ANXA4: variants seen among roughly 807,000 people sequenced by gnomAD.
ANXA4 encodes the protein 35-beta calcimedin.
In ANXA4, 39 loss-of-function variants were observed where a neutral mutation model predicts 49.8. The observed-to-expected ratio is 0.78, with a 90% CI of 0.61 to 1.02. The LOEUF (loss-of-function observed/expected upper bound fraction) is 1.02, where lower values mean the gene tolerates loss of function less well. Among genes scored for constraint, ANXA4 ranks in the 50% least tolerant of loss-of-function variants. The pLI is 0.00. For synonymous variants in ANXA4, 134 were observed against 152.5 expected (o/e 0.88, Z 0.89); for missense variants, 360 against 410.1 (o/e 0.88, Z 1.05).
At chr2:69,737,968 G>C (rs1173851231), upstream of ANXA4, among the ~76,000 whole-genome samples, 4 of 150,738 alleles carry the variant, frequency 2.7e-5, no homozygotes, top group Admixed American at 1.3e-4. Context: ...GCAACAAAAA[G>C]AAAGAAAAAA....
chr2:69,815,274 T>C (rs185187560), intron 8 of ANXA4: 24 of 152,338 alleles, frequency 1.6e-4, no homozygotes, highest in Middle Eastern at 3.4e-3. Context: ...TCTTTTGAAT[T>C]AGGTGAATTA....
At chr2:69,804,719 T>C in intron 4 of ANXA4, 92 bp downstream of exon 4, 2 of 1,116,364 alleles carry the variant, frequency 1.8e-6, no homozygotes, top group Non-Finnish European at 2.6e-6. Flanking sequence ...AGTGACCTTG[T>C]GTTTTAAAAG....
intron 2 of ANXA4, among the ~76,000 whole-genome samples, chr2:69,787,409 G>A (rs1468814919): frequency 6.6e-6 from 1 of 152,128 alleles, no homozygotes; most frequent in Non-Finnish European, 1.5e-5. Context: ...AAACTAGATC[G>A]TTTTTTAAGT....
chr2:69,767,391 G>A (rs546346841), intron 1 of ANXA4, among the ~76,000 whole-genome samples: 7 of 152,256 alleles, frequency 4.6e-5, no homozygotes, highest in Admixed American at 6.5e-5. Flanking sequence ...GCTGTACTTT[G>A]GGAACTTTGC....
intron 2 of ANXA4, among the ~76,000 whole-genome samples, chr2:69,787,677 G>A (rs1672474258): frequency 6.6e-6 from 1 of 152,200 alleles, no homozygotes; most frequent in Non-Finnish European, 1.5e-5. Context: ...CAGGACCTTT[G>A]CAGGAGCTGT....
intron 2 of ANXA4, among the ~76,000 whole-genome samples, chr2:69,678,008 T>G (rs1005482774): frequency 5.3e-5 from 8 of 152,186 alleles, no homozygotes; most frequent in African/African-American, 1.9e-4. Context: ...CAAACACAAC[T>G]TTTCCCCCTC....
intron 2 of ANXA4, among the ~76,000 whole-genome samples, chr2:69,712,118 T>C (rs1263986968): frequency 1.3e-5 from 2 of 151,978 alleles, no homozygotes; most frequent in African/African-American, 4.8e-5. Context: ...AGTTTTCCAC[T>C]AAACAGACCA....
At chr2:69,799,461 T>C (rs1030150104) in intron 3 of ANXA4, among the ~76,000 whole-genome samples, 1 of 152,218 alleles carries the variant, frequency 6.6e-6, no homozygotes, top group Non-Finnish European at 1.5e-5. Flanking sequence ...AGGTTACTTG[T>C]TGTTAGAAGA....
intron 2 of ANXA4, among the ~76,000 whole-genome samples, chr2:69,656,243 ATATATATGTATATACG>A (rs1348302048): frequency 8.3e-6 from 1 of 120,068 alleles, no homozygotes; most frequent in African/African-American, 3.0e-5. Context: ...ATATATACGT[ATATATATGTATATACG>A]TATATATATG....
intron 3 of ANXA4, among the ~76,000 whole-genome samples, chr2:69,735,384 C>T (rs1432030441): frequency 1.3e-5 from 2 of 152,168 alleles, no homozygotes; most frequent in African/African-American, 4.8e-5. Context: ...ACTTTAACTC[C>T]TTCCCTGTTC....
chr2:69,676,281 G>A (rs1677411092), intron 2 of ANXA4, among the ~76,000 whole-genome samples: 1 of 152,076 alleles, frequency 6.6e-6, no homozygotes, highest in Non-Finnish European at 1.5e-5. Flanking sequence ...AAACTAAACA[G>A]ATGTGGTTCA....
chr2:69,730,989 A>G (rs1423365693), intron 3 of ANXA4, among the ~76,000 whole-genome samples: 2 of 152,176 alleles, frequency 1.3e-5, no homozygotes, highest in African/African-American at 4.8e-5. Context: ...TTTTAGGTCG[A>G]TGGGTTTGAA....
At chr2:69,820,392 G>A (rs1674182452) in intron 11 of ANXA4, among the ~76,000 whole-genome samples, 1 of 152,034 alleles carries the variant, frequency 6.6e-6, no homozygotes, top group Non-Finnish European at 1.5e-5. Flanking sequence ...GGGGAGGGAA[G>A]GATAATACTC....
In ANXA4 at chr2:69,709,652, C is replaced by T. The variant is rs76310614; in HGVS notation, n.767-11122C>T. Among the ~76,000 whole-genome samples the T allele has an allele frequency of 5.7e-3, 875 of 152,344 alleles. 20 individuals carry two copies. The East Asian group carries it at 0.073, about 13-fold the overall frequency. On this transcript the variant is annotated intron_variant and non_coding_transcript_variant, in intron 2 of 3. Transcript: ENST00000418066. ...TCTACATGGCAACCTCGCTAGGTAA[C>T]TCTTAACTCTGAAACCCATTTCAGA...
chr2:69,718,740 C>T (rs568602532), intron 2 of ANXA4, among the ~76,000 whole-genome samples: 1 of 149,436 alleles, frequency 6.7e-6, no homozygotes, highest in South Asian at 2.1e-4. Flanking sequence ...CACAAATGCA[C>T]ACACATACAT....
At chr2:69,742,260 C>G (rs1443733753) in intron 1 of ANXA4, 85 bp downstream of exon 1, 3 of 152,186 alleles carry the variant, frequency 2.0e-5, no homozygotes, top group African/African-American at 7.2e-5. Flanking sequence ...GCGGGGATGC[C>G]CGGCTCCGCG....
chr2:69,795,201 T>C (rs1672893096), intron 3 of ANXA4, among the ~76,000 whole-genome samples: 1 of 151,874 alleles, frequency 6.6e-6, no homozygotes, highest in Non-Finnish European at 1.5e-5. Flanking sequence ...CTTAGAGGGG[T>C]CCTTTGACAG....
intron 3 of ANXA4, among the ~76,000 whole-genome samples, chr2:69,796,881 C>T (rs1227994292): frequency 6.6e-6 from 1 of 152,140 alleles, no homozygotes; most frequent in Non-Finnish European, 1.5e-5. Context: ...GCTAAGAGAG[C>T]TGAGTCAATT....
At chr2:69,664,488 C>T (rs934619348) in intron 2 of ANXA4, among the ~76,000 whole-genome samples, 3 of 152,020 alleles carry the variant, frequency 2.0e-5, no homozygotes, top group African/African-American at 7.2e-5. Context: ...TTACTATGTG[C>T]CAGTCATTAT....
Sources: gnomAD v4.1 joint callset for allele counts (sites outside exome capture counted in the v4.1 genomes callset) on GRCh38, gnomAD v4.1.1 for gene constraint, MANE v1.5 for transcripts, NCBI Gene and HGNC (gene_info 2026-07-23, HGNC 2026-07-21) for gene names.